The following NPLOC4 variants were observed in gnomAD, a reference collection of about 807,000 sequenced individuals.
NPLOC4 encodes the protein nuclear protein localization protein 4 homolog.
Under a neutral mutation model 80.6 loss-of-function variants are expected in NPLOC4, and 18 were observed. The ratio of observed to expected loss-of-function variants is 0.22; its 90% CI spans 0.15 to 0.33. The LOEUF is 0.33. Ranked by LOEUF, NPLOC4 falls within the 10% of genes least tolerant of loss-of-function variation. The probability of loss-of-function intolerance (pLI) is 1.00; values close to 1 mark genes in which losing one functional copy is unlikely to be tolerated. For synonymous variants in NPLOC4, 313 were observed against 301.5 expected, an observed-to-expected ratio of 1.04 and a Z score of -0.39; for missense variants, 540 against 786.1, an observed-to-expected ratio of 0.69 and a Z score of 3.74.
rs529101093 is a variant in NPLOC4 at position 81,584,575 on chromosome 17, G to A, written c.1281+4369C>T. Among the ~76,000 whole-genome samples the A allele has an allele frequency of 2.2e-4, 34 of 152,314 alleles. No homozygotes were observed. In the East Asian group the frequency reaches 4.8e-3, roughly 22 times the overall value. The stretch of plus-strand genomic sequence containing the variant: ...CCACTGTCATGAGTGCTGTTTGGGA[G>A]ATCCCAGGCAACACTGGGAAAAGCC... On this transcript the variant is annotated intron_variant, in intron 12 of 16. Coordinates refer to ENST00000331134, the MANE Select transcript of NPLOC4 (RefSeq NM_017921.4).
chr17:81,588,795 A>G lies in NPLOC4; in HGVS notation c.1281+149T>C, dbSNP rs116221520. Reference sequence around the variant, plus strand: ...ATGAGTAGCGAATATCCAGCCCCAGAAACGTGACAGAAGCCTTTAGTGACA... The same window carrying G: ...ATGAGTAGCGAATATCCAGCCCCAGGAACGTGACAGAAGCCTTTAGTGACA... On this transcript the variant is annotated intron_variant, in intron 12 of 16. Coordinates refer to ENST00000331134, the MANE Select transcript of NPLOC4 (RefSeq NM_017921.4). The G allele has an allele frequency of 6.0e-3, 3,858 of 645,938 alleles. 119 individuals carry two copies. The African/African-American group carries it at 0.062, about 10-fold the overall frequency. The allele number at this position is 645,938 out of a possible 1,614,324, so 40.0% of individuals were successfully genotyped here.
At position 81,579,898 on chromosome 17, in the gene NPLOC4, C is replaced by T. The variant is rs556743021; in HGVS notation, c.1282-7810G>A. Among the ~76,000 whole-genome samples, 37 of 152,040 alleles carry T rather than the reference C, an allele frequency of 2.4e-4. 2 individuals are homozygous for T. In the South Asian group the frequency reaches 7.3e-3, roughly 30 times the overall value. The stretch of plus-strand genomic sequence containing the variant: ...CCCCCCATTCTCCTCTGTGAGCTCA[C>T]CCCCCATTCTCCTCTGTGAGCTCAC... On this transcript the variant is annotated intron_variant, in intron 12 of 16. Coordinates refer to ENST00000331134, the MANE Select transcript of NPLOC4 (RefSeq NM_017921.4).
chr17:81,564,108 AC>A (rs2033935904), intron 16 of NPLOC4: 1 of 336,946 alleles, frequency 3.0e-6, no homozygotes, highest in Non-Finnish European at 5.9e-6. Flanking sequence ...ACACACACAC[AC>A]ACACACACAA....
chr17:81,621,109 G>A (rs1402249298), intron 3 of NPLOC4, among the ~76,000 whole-genome samples: 1 of 149,654 alleles, frequency 6.7e-6, no homozygotes, highest in Non-Finnish European at 1.5e-5. Context: ...GAAAGAAAAG[G>A]AAAGAAGGAA....
intron 4 of NPLOC4, 121 bp from the exon 5 acceptor site, chr17:81,610,379 C>G (rs1223416369): frequency 1.3e-6 from 1 of 773,980 alleles, no homozygotes; most frequent in Non-Finnish European, 2.2e-6. Context: ...GAGTTATATT[C>G]CAGATGGCAC....
chr17:81,600,568 A>T (rs1241596118), intron 8 of NPLOC4, 141 bp from the exon 9 acceptor site: 1 of 651,516 alleles, frequency 1.5e-6, no homozygotes, highest in Admixed American at 2.5e-5. Flanking sequence ...GCCACAGATA[A>T]AACACATGCG....
At chr17:81,570,712 C>T (rs896503176) in intron 13 of NPLOC4, among the ~76,000 whole-genome samples, 1 of 152,228 alleles carries the variant, frequency 6.6e-6, no homozygotes, top group Non-Finnish European at 1.5e-5. Flanking sequence ...TTCCTGCCTG[C>T]CCAGCCATCC....
At chr17:81,631,436 A>ATATATTTTTTTT (rs1330720098) in intron 1 of NPLOC4, among the ~76,000 whole-genome samples, 1 of 117,070 alleles carries the variant, frequency 8.5e-6, no homozygotes, top group African/African-American at 3.1e-5. Flanking sequence ...ATATATATAT[A>ATATATTTTTTTT]TTTTTTTTTT....
chr17:81,595,828 G>C (rs1174039113), intron 11 of NPLOC4, among the ~76,000 whole-genome samples: 2 of 152,164 alleles, frequency 1.3e-5, no homozygotes, highest in African/African-American at 4.8e-5. Context: ...ACAGGCGTGA[G>C]CCACCACGCC....
At chr17:81,602,980 TACACACACACACACAC>T (rs150613321) in intron 8 of NPLOC4, among the ~76,000 whole-genome samples, 3 of 145,058 alleles carry the variant, frequency 2.1e-5, no homozygotes, top group Middle Eastern at 3.4e-3. Flanking sequence ...TATACACAAA[TACACACACACACACAC>T]ACACACACAC....
chr17:81,581,375 A>AAAAAAAAAAAAAC (rs1555680405), intron 12 of NPLOC4, among the ~76,000 whole-genome samples: 1 of 72,808 alleles, frequency 1.4e-5, no homozygotes, highest in South Asian at 4.2e-4. Flanking sequence ...AAAAAAAAAA[A>AAAAAAAAAAAAAC]AGTTAATAAA....
chr17:81,631,771 T>A (rs75719313), intron 1 of NPLOC4, among the ~76,000 whole-genome samples: 8,234 of 152,084 alleles, frequency 0.054, 338 homozygotes, highest in African/African-American at 0.11. Context: ...TCTCTCTCAT[T>A]TCCTGCATTA....
chr17:81,574,590 G>A (rs968601283), intron 12 of NPLOC4, among the ~76,000 whole-genome samples: 2 of 152,178 alleles, frequency 1.3e-5, no homozygotes, highest in African/African-American at 2.4e-5. Flanking sequence ...CACCTGGAGC[G>A]AGGCACCAGG....
chr17:81,632,565 G>C (rs77411083), intron 1 of NPLOC4, among the ~76,000 whole-genome samples: 7,196 of 151,668 alleles, frequency 0.047, 293 homozygotes, highest in East Asian at 0.22. Flanking sequence ...CCACCCACCT[G>C]GGCCTCCCAA....
At chr17:81,617,663 C>CCCCCCCCCCCT (rs2035536057) in intron 3 of NPLOC4, among the ~76,000 whole-genome samples, 9 of 134,220 alleles carry the variant, frequency 6.7e-5, no homozygotes, top group South Asian at 2.6e-4. Context: ...CAAAAAATGC[C>CCCCCCCCCCCT]CCCCCTCCCC....
chr17:81,584,300 C>T lies in NPLOC4; in HGVS notation c.1281+4644G>A, dbSNP rs146009747. On this transcript the variant is annotated intron_variant, in intron 12 of 16. Coordinates refer to ENST00000331134, the MANE Select transcript of NPLOC4 (RefSeq NM_017921.4). ...CTGGGAAGTATTTCTAGCCTATTCTCGCTAACAGAGGGCAAATAAGCACTC... is the reference window on the plus strand; with the variant it reads ...CTGGGAAGTATTTCTAGCCTATTCTTGCTAACAGAGGGCAAATAAGCACTC... Among the ~76,000 whole-genome samples the T allele has an allele frequency of 4.3e-4, 65 of 152,262 alleles. No homozygotes were observed. In the East Asian group the frequency reaches 0.01, roughly 24 times the overall value.
At position 81,637,036 on chromosome 17, in the gene NPLOC4, A is replaced by G. The variant is rs1470112409; in HGVS notation, c.-106T>C. 2 of 643,506 alleles carry G rather than the reference A, an allele frequency of 3.1e-6. No individual in the cohort carries two copies. Among genetic ancestry groups the G allele is most frequent in the African/African-American group, 1.9e-5 (1 of 51,896 alleles). 39.9% of individuals were successfully genotyped at this position (643,506 alleles called of 1,614,324 possible). A position where few individuals can be genotyped will look rare whatever the true frequency, so the allele number is the denominator to read the frequency against. On this transcript the variant is annotated 5_prime_UTR_variant, in exon 1 of 17. Coordinates refer to ENST00000331134, the MANE Select transcript of NPLOC4 (RefSeq NM_017921.4). ...CCTCAGCCCCGGCCCCGGCCTCCCT[A>G]CGCCGCCGCCACCGCCGCTCCAGCT...
chr17:81,576,028 G>A (rs2034289289), intron 12 of NPLOC4, among the ~76,000 whole-genome samples: 1 of 152,240 alleles, frequency 6.6e-6, no homozygotes, highest in Non-Finnish European at 1.5e-5. Flanking sequence ...ATAGCAAACA[G>A]AGCAGTTTGG....
chr17:81,626,419 G>C (rs551623206), intron 2 of NPLOC4, among the ~76,000 whole-genome samples: 1 of 152,232 alleles, frequency 6.6e-6, no homozygotes, highest in East Asian at 1.9e-4. Flanking sequence ...ACTCCAGGAA[G>C]TTCAGCAAAC....
Sources: allele counts gnomAD v4.1 joint callset (sites outside exome capture counted in the v4.1 genomes callset), GRCh38; gene constraint gnomAD v4.1.1; transcripts MANE v1.5; gene names NCBI Gene and HGNC (gene_info 2026-07-23, HGNC 2026-07-21).